ANKRD31: variants seen among roughly 807,000 people sequenced by gnomAD.
ANKRD31 encodes the protein ankyrin repeat domain-containing protein 31.
Under a neutral mutation model 186.0 loss-of-function variants are expected in ANKRD31, and 147 were observed. That is an observed-to-expected ratio of 0.79 (90% CI 0.69 to 0.91). ANKRD31 has a LOEUF of 0.91. Among genes scored for constraint, ANKRD31 ranks in the 40% least tolerant of loss-of-function variants. The pLI is 0.00. For missense variants in ANKRD31, 1,986 were observed against 2,148.8 expected (o/e 0.92, Z 1.50); for synonymous variants, 673 against 736.4 (o/e 0.91, Z 1.39).
At chr5:75,190,314 C>T (rs1290198575) in intron 9 of ANKRD31, among the ~76,000 whole-genome samples, 5 of 152,144 alleles carry the variant, frequency 3.3e-5, no homozygotes, top group Non-Finnish European at 5.9e-5. Context: ...AGCCACTGCA[C>T]GTGGCCTGTT....
chr5:75,155,740 A>G (rs1268396777), intron 11 of ANKRD31, among the ~76,000 whole-genome samples: 1 of 152,146 alleles, frequency 6.6e-6, no homozygotes, highest in Non-Finnish European at 1.5e-5. Context: ...CTAAAAATTA[A>G]AAGCGTATAT....
chr5:75,127,872 C>A (rs906667470), intron 17 of ANKRD31, among the ~76,000 whole-genome samples: 2 of 151,948 alleles, frequency 1.3e-5, no homozygotes, highest in African/African-American at 4.8e-5. Context: ...TAACATTTAC[C>A]CCCAATTATT....
At chr5:75,162,561 G>T (rs77486378) in intron 11 of ANKRD31, among the ~76,000 whole-genome samples, 15,713 of 152,156 alleles carry the variant, frequency 0.1, 833 homozygotes, top group East Asian at 0.14. Context: ...GTGGACTATT[G>T]GGAAGGCATC....
chr5:75,182,536 T>TG (rs1472103399), intron 10 of ANKRD31, among the ~76,000 whole-genome samples: 1 of 152,012 alleles, frequency 6.6e-6, no homozygotes, highest in African/African-American at 2.4e-5. Context: ...CTGGCCAACA[T>TG]GGTAAAACCC....
chr5:75,093,064 A>G (rs1746048591), intron 22 of ANKRD31, among the ~76,000 whole-genome samples: 1 of 152,252 alleles, frequency 6.6e-6, no homozygotes, highest in African/African-American at 2.4e-5. Context: ...AAGACAAAGA[A>G]AAGAGAATAA....
intron 3 of ANKRD31, among the ~76,000 whole-genome samples, chr5:75,218,473 A>T (rs2150301686): frequency 6.6e-6 from 1 of 152,302 alleles, no homozygotes; most frequent in East Asian, 1.9e-4. Context: ...AACTAAAAAA[A>T]GCCCAGGACC....
At chr5:75,141,025 A>T (rs540044050) in intron 15 of ANKRD31, among the ~76,000 whole-genome samples, 4 of 151,972 alleles carry the variant, frequency 2.6e-5, no homozygotes, top group African/African-American at 9.7e-5. Flanking sequence ...CTTTGAGGGT[A>T]GGGCCCAGCA....
Position 75,138,907 on chromosome 5 carries a change from A to G in ANKRD31, c.3672T>C (p.Asn1224=), listed in dbSNP as rs1254957281. The G allele has an allele frequency of 3.3e-6, 5 of 1,536,874 alleles. No homozygotes were observed. The highest frequency in any genetic ancestry group is 4.4e-6 in the Non-Finnish European group (5 of 1,146,670). ...SQLHLAVRRG[N]LPLVKALIES... is the part of the protein sequence containing the mutation. ...CTATCAGGGCTTTCACTAGGGGCAG[A>G]TTTCCTCTTCTGACAGCTAAATGAA... The change falls in exon 16 of 26, where the codon AAT becomes AAC. Residue 1224 remains asparagine (N), a synonymous_variant. Coordinates refer to ENST00000506364, the MANE Select transcript of ANKRD31 (RefSeq NM_001372053.1).
chr5:75,101,310 G>T (rs4426899), intron 22 of ANKRD31, among the ~76,000 whole-genome samples: 4,272 of 152,174 alleles, frequency 0.028, 204 homozygotes, highest in African/African-American at 0.098. Context: ...AGTCTGATGG[G>T]CTTCCCTTTG....
At chr5:75,102,347 G>A (rs565572385) in intron 22 of ANKRD31, among the ~76,000 whole-genome samples, 34 of 152,330 alleles carry the variant, frequency 2.2e-4, no homozygotes, top group African/African-American at 8.2e-4. Flanking sequence ...GCCCTAATGG[G>A]AGATGCCTCC....
intron 10 of ANKRD31, among the ~76,000 whole-genome samples, chr5:75,178,466 T>C (rs549739463): frequency 4.6e-5 from 7 of 152,222 alleles, no homozygotes; most frequent in Non-Finnish European, 1.0e-4. Context: ...TATTCCAAAA[T>C]TGACCACATA....
chr5:75,138,323 G>A (rs1346725619), intron 16 of ANKRD31, among the ~76,000 whole-genome samples: 1 of 152,126 alleles, frequency 6.6e-6, no homozygotes, highest in African/African-American at 2.4e-5. Flanking sequence ...TTTCCTATGT[G>A]TATCTTTGCA....
chr5:75,107,689 G>T (rs1747442284), intron 20 of ANKRD31, 72 bp from the exon 21 acceptor site: 1 of 851,772 alleles, frequency 1.2e-6, no homozygotes, highest in Non-Finnish European at 1.8e-6. Flanking sequence ...ACGAGAATTA[G>T]CCCTATTGTT....
chr5:75,068,558 A>G lies in ANKRD31; in HGVS notation c.5754T>C (p.His1918=), dbSNP rs767433909. The G allele has an allele frequency of 6.6e-6, 10 of 1,526,156 alleles. No homozygotes were observed. The highest frequency in any genetic ancestry group is 2.5e-5 in the South Asian group (2 of 80,540). The allele number at this position is 1,526,156 out of a possible 1,614,324, so 94.5% of individuals were successfully genotyped here. A position where few individuals can be genotyped will look rare whatever the true frequency, so the allele number is the denominator to read the frequency against. Reference sequence around the variant, plus strand: ...CCTCACATTCCACACAAAACTTCCAATGCTGATCCATTATGTGGCATGGGA... The same window carrying G: ...CCTCACATTCCACACAAAACTTCCAGTGCTGATCCATTATGTGGCATGGGA... ...EFLPCHIMDQ[H]WKFCVECEEL... The change falls in exon 26 of 26, where the codon CAT becomes CAC. Residue 1918 remains histidine, a synonymous_variant. Transcript: ENST00000506364.
chr5:75,177,240 A>G (rs1026958544), intron 10 of ANKRD31, among the ~76,000 whole-genome samples: 1 of 152,232 alleles, frequency 6.6e-6, no homozygotes, highest in Non-Finnish European at 1.5e-5. Context: ...ATGTGAAAAG[A>G]CCAAATCTAC....
chr5:75,115,027 C>A (rs1375591620), intron 19 of ANKRD31, among the ~76,000 whole-genome samples: 4 of 152,048 alleles, frequency 2.6e-5, no homozygotes, highest in African/African-American at 4.8e-5. Flanking sequence ...GCTACAGTAA[C>A]CAAAACAGCA....
intron 10 of ANKRD31, among the ~76,000 whole-genome samples, chr5:75,172,357 A>T (rs943884199): frequency 6.5e-5 from 8 of 123,224 alleles, no homozygotes; most frequent in African/African-American, 2.9e-4. Context: ...GCTAGCATAA[A>T]CTCTATTTAA....
intron 1 of ANKRD31, among the ~76,000 whole-genome samples, chr5:75,233,916 C>CA (rs955961027): frequency 2.3e-3 from 322 of 140,586 alleles, no homozygotes; most frequent in Middle Eastern, 0.011. Flanking sequence ...GACTCCGTCT[C>CA]AAAAAAAAAA....
chr5:75,111,238 AAAC>A lies in ANKRD31; in HGVS notation c.4243+1272_4243+1274del, dbSNP rs1156599211. On this transcript the variant is annotated intron_variant, in intron 20 of 25. Transcript: ENST00000506364. ...ATGTGGGGAGGGGGGCCTGGAAATA[AAAC>A]AACAAAATATTGTGATGGGACAGTA... is the stretch of plus-strand genomic sequence containing the variant. Among the ~76,000 whole-genome samples the A allele has an allele frequency of 1.3e-4, 20 of 152,192 alleles. No individual in the cohort carries two copies. The East Asian group carries it at 3.5e-3, about 26-fold the overall frequency.
Sources: gnomAD v4.1 joint callset for allele counts (sites outside exome capture counted in the v4.1 genomes callset) on GRCh38, gnomAD v4.1.1 for gene constraint, MANE v1.5 for transcripts, NCBI Gene and HGNC (gene_info 2026-07-23, HGNC 2026-07-21) for gene names.